Variants in MBOAT2 observed in about 807,000 individuals in gnomAD.
The protein encoded by MBOAT2 is membrane-bound glycerophospholipid O-acyltransferase 2.
In MBOAT2, 28 loss-of-function variants were observed where a neutral mutation model predicts 63.4. The ratio of observed to expected loss-of-function variants is 0.44; its 90% CI spans 0.33 to 0.61. The LOEUF (loss-of-function observed/expected upper bound fraction) is 0.61, where lower values mean the gene tolerates loss of function less well. Among genes scored for constraint, MBOAT2 ranks in the 20% least tolerant of loss-of-function variants. The probability of loss-of-function intolerance (pLI) is 0.03; values close to 1 mark genes in which losing one functional copy is unlikely to be tolerated. For synonymous variants in MBOAT2, 211 were observed against 215.6 expected (o/e 0.98, Z 0.19); for missense variants, 470 against 605.8 (o/e 0.78, Z 2.35).
At chr2:8,905,529 A>G (rs1291359607) in intron 4 of MBOAT2, among the ~76,000 whole-genome samples, 4 of 152,204 alleles carry the variant, frequency 2.6e-5, no homozygotes, top group Admixed American at 6.5e-5. Flanking sequence ...GCTGGAAACC[A>G]TCATTCTCAG....
intron 1 of MBOAT2, among the ~76,000 whole-genome samples, chr2:8,970,801 ACCCTC>A (rs1369011093): frequency 6.6e-6 from 1 of 152,202 alleles, no homozygotes; most frequent in East Asian, 1.9e-4. Flanking sequence ...CGACACATAC[ACCCTC>A]CCAAGACTAA....
At chr2:8,888,394 G>A (rs1488647494) in intron 4 of MBOAT2, among the ~76,000 whole-genome samples, 2 of 152,124 alleles carry the variant, frequency 1.3e-5, no homozygotes, top group African/African-American at 4.8e-5. Flanking sequence ...AAGGCCCGGA[G>A]GTAAGAAGCA....
intron 1 of MBOAT2, among the ~76,000 whole-genome samples, chr2:8,986,272 C>T (rs1211453161): frequency 6.8e-6 from 1 of 148,106 alleles, no homozygotes; most frequent in Non-Finnish European, 1.5e-5. Context: ...GCTAAGGAGA[C>T]ACAATGACTA....
intron 1 of MBOAT2, among the ~76,000 whole-genome samples, chr2:8,969,422 A>G (rs1031531223): frequency 6.6e-6 from 1 of 152,246 alleles, no homozygotes; most frequent in Admixed American, 6.5e-5. Context: ...AAAACATGCC[A>G]AATTGTAAAG....
Position 8,860,582 on chromosome 2 carries a change from C to T in MBOAT2, c.1337+31G>A, listed in dbSNP as rs200611718. Reference sequence around the variant, plus strand: ...CTTTCTTTTGAAAATAGAGTTATTCCCACTGACAAAGTTTTAAGAGTAACA... The same window carrying T: ...CTTTCTTTTGAAAATAGAGTTATTCTCACTGACAAAGTTTTAAGAGTAACA... On this transcript the variant is annotated intron_variant, in intron 12 of 12. Transcript: ENST00000305997. 5.0e-6 allele frequency: 8 copies of T among 1,600,008 alleles called. No homozygotes were observed. In the Admixed American group the frequency reaches 1.4e-4, roughly 28 times the overall value.
At chr2:8,989,479 G>A (rs893895389) in intron 1 of MBOAT2, among the ~76,000 whole-genome samples, 2 of 152,072 alleles carry the variant, frequency 1.3e-5, no homozygotes, top group Admixed American at 1.3e-4. Context: ...CTCTAGAGAG[G>A]ACAACACTTA....
At chr2:8,866,831 G>T in intron 9 of MBOAT2, among the ~76,000 whole-genome samples, 1 of 152,172 alleles carries the variant, frequency 6.6e-6, no homozygotes. Context: ...CTCTAAATTT[G>T]TAAGTATCTA....
chr2:8,981,264 A>G (rs1408980941), intron 1 of MBOAT2, among the ~76,000 whole-genome samples: 1 of 152,334 alleles, frequency 6.6e-6, no homozygotes, highest in African/African-American at 2.4e-5. Context: ...TGATAGTTGC[A>G]TGGCTCTGAG....
intron 2 of MBOAT2, among the ~76,000 whole-genome samples, chr2:8,955,231 A>C (rs1276243189): frequency 2.6e-5 from 4 of 152,212 alleles, no homozygotes; most frequent in Non-Finnish European, 5.9e-5. Flanking sequence ...CCTGTTCTCC[A>C]TCCCAGGTCT....
Position 8,952,384 on chromosome 2 carries a change from T to G in MBOAT2, c.221+6113A>C, listed in dbSNP as rs75775626. Among the ~76,000 whole-genome samples the G allele has an allele frequency of 4.9e-3, 753 of 152,314 alleles. 9 individuals carry two copies. Among genetic ancestry groups the G allele is most frequent in the South Asian group, 0.02 (97 of 4,832 alleles). On this transcript the variant is annotated intron_variant, in intron 2 of 12. Coordinates refer to ENST00000305997, the MANE Select transcript of MBOAT2 (RefSeq NM_138799.4). The stretch of plus-strand genomic sequence containing the variant: ...ACATTCCATGTGCAGATGAGAAAAA[T>G]GTATATTCTGTGGCTGATGGGTGGA...
chr2:8,945,035 T>C (rs918597418), intron 2 of MBOAT2, among the ~76,000 whole-genome samples: 14 of 152,264 alleles, frequency 9.2e-5, no homozygotes, highest in Non-Finnish European at 1.5e-4. Flanking sequence ...ATGAGGGATA[T>C]ATCATAACTT....
intron 4 of MBOAT2, chr2:8,908,392 C>G (rs1178077415): frequency 2.6e-6 from 1 of 387,326 alleles, no homozygotes; most frequent in African/African-American, 2.1e-5. Context: ...ACCTAAGAAC[C>G]AAAGGAAGTT....
intron 2 of MBOAT2, among the ~76,000 whole-genome samples, chr2:8,947,952 T>A (rs1274857284): frequency 2.0e-5 from 3 of 152,224 alleles, no homozygotes; most frequent in African/African-American, 7.2e-5. Context: ...AGATAGTGAT[T>A]CCTCTGACGG....
intron 1 of MBOAT2, among the ~76,000 whole-genome samples, chr2:8,970,305 A>T (rs995834790): frequency 2.0e-5 from 3 of 152,232 alleles, no homozygotes; most frequent in Non-Finnish European, 4.4e-5. Context: ...AGAAATAAAG[A>T]TGTTCTTTGA....
chr2:8,960,910 T>C (rs1433012463), intron 1 of MBOAT2, among the ~76,000 whole-genome samples: 5 of 152,076 alleles, frequency 3.3e-5, no homozygotes, highest in Admixed American at 6.5e-5. Context: ...GAAAACAACA[T>C]GAAGGAAGCA....
intron 1 of MBOAT2, among the ~76,000 whole-genome samples, chr2:8,971,568 A>G (rs1160780784): frequency 1.3e-5 from 2 of 152,236 alleles, no homozygotes; most frequent in Non-Finnish European, 2.9e-5. Context: ...GAAAAGAGGA[A>G]GTCAAATTGT....
chr2:8,983,876 A>T (rs1423473724), intron 1 of MBOAT2, among the ~76,000 whole-genome samples: 1 of 152,224 alleles, frequency 6.6e-6, no homozygotes, highest in Non-Finnish European at 1.5e-5. Context: ...TTGTTTTAAA[A>T]TAAAGAAAAA....
intron 3 of MBOAT2, among the ~76,000 whole-genome samples, chr2:8,918,542 T>C (rs1666348833): frequency 6.6e-6 from 1 of 152,180 alleles, no homozygotes; most frequent in African/African-American, 2.4e-5. Context: ...GCCACAAACT[T>C]TCTGTTTGTT....
At chr2:8,912,744 G>T (rs1467949487) in intron 3 of MBOAT2, among the ~76,000 whole-genome samples, 1 of 152,094 alleles carries the variant, frequency 6.6e-6, no homozygotes, top group African/African-American at 2.4e-5. Context: ...GGTAGAATCA[G>T]TATTACGGAA....
Sources: gnomAD v4.1 joint callset for allele counts (sites outside exome capture counted in the v4.1 genomes callset) on GRCh38, gnomAD v4.1.1 for gene constraint, MANE v1.5 for transcripts, NCBI Gene and HGNC (gene_info 2026-07-23, HGNC 2026-07-21) for gene names.